Variants in EML1 observed in about 807,000 individuals in gnomAD.
EML1 encodes EMAP like 1.
In EML1, 27 loss-of-function variants were observed where a neutral mutation model predicts 110.4. That is an observed-to-expected ratio of 0.24 (90% CI 0.18 to 0.34). The LOEUF (loss-of-function observed/expected upper bound fraction) is 0.34, where lower values mean the gene tolerates loss of function less well. Ranked by LOEUF, EML1 falls within the 10% of genes least tolerant of loss-of-function variation. The pLI, the probability that EML1 is intolerant of heterozygous loss-of-function variation, is 1.00. For synonymous variants in EML1, 344 were observed against 385.8 expected (o/e 0.89, Z 1.27); for missense variants, 741 against 1,030.9 (o/e 0.72, Z 3.85).
In EML1 at chr14:99,936,094, G is replaced by A; in HGVS notation, c.1975G>A (p.Gly659Arg). ...CTATATATATGGCGTTAGTGACAACGGGAGGAAGTACACGCGAGTGGGCAA... is the reference window on the plus strand; with the variant it reads ...CTATATATATGGCGTTAGTGACAACAGGAGGAAGTACACGCGAGTGGGCAA... ...CIYIYGVSDNGRKYTRVGKCS... is the reference protein window; with the variant it reads ...CIYIYGVSDNRRKYTRVGKCS... The change falls in exon 18 of 22, where the codon GGG (glycine) becomes AGG (arginine). Residue 659 changes from glycine (G) to arginine (R), a missense_variant. Coordinates refer to ENST00000262233, the MANE Select transcript of EML1 (RefSeq NM_004434.3). This position sits in a 1 kb window ranked among gnomAD's most constrained non-coding sequence, Gnocchi z 5.5. 1.2e-6 allele frequency: 2 copies of A among 1,614,116 alleles called. No individual in the cohort carries two copies. Among genetic ancestry groups the A allele is most frequent in the Non-Finnish European group, 1.7e-6 (2 of 1,180,034 alleles).
At position 99,940,024 on chromosome 14, in the gene EML1, T is replaced by G; in HGVS notation, c.2360T>G (p.Val787Gly). 1 of 1,598,652 alleles carries G rather than the reference T, an allele frequency of 6.3e-7. No homozygotes were observed. Among genetic ancestry groups the G allele is most frequent in the Non-Finnish European group, 8.5e-7 (1 of 1,172,618 alleles). Reference protein sequence around the residue: ...SHIYGGHSSHVTNVDFLCEDS... With the variant: ...SHIYGGHSSHGTNVDFLCEDS... Reference sequence around the variant, plus strand: ...ATCTACGGCGGGCACAGCAGCCATGTCACCAATGTCGATTTCCTCTGTGAA... The same window carrying G: ...ATCTACGGCGGGCACAGCAGCCATGGCACCAATGTCGATTTCCTCTGTGAA... Residue 787 changes from valine to glycine, a missense_variant, in exon 22 of 22, where the codon GTC becomes GGC. Val to Gly is a moderately radical substitution (Grantham distance 109). Coordinates refer to ENST00000262233, the MANE Select transcript of EML1 (RefSeq NM_004434.3).
chr14:99,752,292 G>A (rs1274627257), intron 1 of EML1, among the ~76,000 whole-genome samples: 1 of 151,982 alleles, frequency 6.6e-6, no homozygotes, highest in South Asian at 2.1e-4. Context: ...GGCAAGGTCT[G>A]GAAATGATGA....
intron 1 of EML1, among the ~76,000 whole-genome samples, chr14:99,847,476 A>G (rs893744315): frequency 1.3e-5 from 2 of 152,168 alleles, no homozygotes; most frequent in African/African-American, 2.4e-5. Flanking sequence ...AAGCCTCCCA[A>G]GTAGCTAGGA....
chr14:99,837,746 G>T lies in EML1; in HGVS notation c.68-13107G>T, dbSNP rs370718843. On this transcript the variant is annotated intron_variant, in intron 1 of 21. Transcript: ENST00000262233. ...TTTTTTCTTGGAAAACTAGGTTTCTGGCTTTGGCCCCATTGGTGATTTTAA... is the reference window on the plus strand; with the variant it reads ...TTTTTTCTTGGAAAACTAGGTTTCTTGCTTTGGCCCCATTGGTGATTTTAA... Among the ~76,000 whole-genome samples, 399 of 152,222 alleles carry T rather than the reference G, an allele frequency of 2.6e-3. 1 individual carries two copies. The highest frequency in any genetic ancestry group is 4.1e-3 in the Non-Finnish European group (277 of 68,022).
intron 1 of EML1, among the ~76,000 whole-genome samples, chr14:99,830,551 TG>T (rs2058432463): frequency 6.6e-6 from 1 of 152,026 alleles, no homozygotes; most frequent in African/African-American, 2.4e-5. Flanking sequence ...TTTGCCTTTT[TG>T]TTTTTTTTGT....
intron 2 of EML1, among the ~76,000 whole-genome samples, chr14:99,859,721 A>G (rs1358407927): frequency 6.6e-6 from 1 of 152,152 alleles, no homozygotes; most frequent in African/African-American, 2.4e-5. Context: ...GAATGTGCCT[A>G]GGGTTCTACT....
chr14:99,793,308 T>G (rs1330472731), upstream of EML1: 7 of 976,420 alleles, frequency 7.2e-6, no homozygotes, highest in Non-Finnish European at 1.2e-6. Context: ...CTCGCGCGGC[T>G]GCGGCGGCGG....
chr14:99,868,645 A>G (rs2059143166), intron 3 of EML1, among the ~76,000 whole-genome samples: 1 of 151,708 alleles, frequency 6.6e-6, no homozygotes, highest in African/African-American at 2.4e-5. Flanking sequence ...TTTTTGTTAT[A>G]TCCGTTGTAA....
rs981870959 is a variant in EML1, at chr14:99,880,201, C to T, written c.518+1582C>T. Among the ~76,000 whole-genome samples, 4 of 152,168 alleles carry T rather than the reference C, an allele frequency of 2.6e-5. No individual in the cohort carries two copies. In the East Asian group the frequency reaches 5.8e-4, roughly 22 times the overall value. ...CCAGGCGTGGTTGAGGCGAGCATAG[C>T]ACAGAGCTGGCTGAGTTTCATGCAT... On this transcript the variant is annotated intron_variant, in intron 4 of 21. Coordinates refer to ENST00000262233, the MANE Select transcript of EML1 (RefSeq NM_004434.3).
intron 7 of EML1, 52 bp downstream of exon 7, chr14:99,897,346 A>C: frequency 3.9e-6 from 6 of 1,531,688 alleles, no homozygotes; most frequent in Non-Finnish European, 5.3e-6. Flanking sequence ...AGGTAGGAGG[A>C]TCGCTTGAGG....
At chr14:99,877,457 TCTC>T (rs1240419342) in intron 3 of EML1, among the ~76,000 whole-genome samples, 4 of 152,108 alleles carry the variant, frequency 2.6e-5, no homozygotes, top group African/African-American at 9.7e-5. Context: ...GGGGATCCCT[TCTC>T]CTAGAGCAGG....
chr14:99,748,800 C>T (rs1400413067), intron 1 of EML1, among the ~76,000 whole-genome samples: 1 of 152,194 alleles, frequency 6.6e-6, no homozygotes, highest in Non-Finnish European at 1.5e-5. Context: ...ATCCAATACC[C>T]ATTAGTAGCG....
At chr14:99,911,387 C>A (rs1282030537) in intron 12 of EML1, 35 bp from the exon 13 acceptor site, 26 of 1,547,834 alleles carry the variant, frequency 1.7e-5, no homozygotes, top group Non-Finnish European at 2.0e-5. Flanking sequence ...AACCTTTTGA[C>A]AATGTGCTAA....
At chr14:99,883,005 A>G (rs778056232) in intron 4 of EML1, among the ~76,000 whole-genome samples, 3 of 152,040 alleles carry the variant, frequency 2.0e-5, no homozygotes, top group Admixed American at 6.5e-5. Context: ...TTTGGTGACT[A>G]TTTCATCTCA....
chr14:99,821,060 C>T (rs2058253589), intron 1 of EML1, among the ~76,000 whole-genome samples: 1 of 142,278 alleles, frequency 7.0e-6, no homozygotes, highest in African/African-American at 2.6e-5. Flanking sequence ...GTGTCTTGCT[C>T]TGCCCAGGCT....
At chr14:99,816,564 A>T (rs1878248370) in intron 1 of EML1, among the ~76,000 whole-genome samples, 3 of 152,196 alleles carry the variant, frequency 2.0e-5, no homozygotes. Flanking sequence ...TGGATGCTTC[A>T]CTCAGCTCGC....
At chr14:99,909,324 G>A (rs757885912) in intron 10 of EML1, 21 bp from the exon 11 acceptor site, 4 of 1,614,070 alleles carry the variant, frequency 2.5e-6, no homozygotes, top group East Asian at 2.2e-5. Flanking sequence ...TGAGGCATCC[G>A]AGTCCCTGTT....
intron 1 of EML1, among the ~76,000 whole-genome samples, chr14:99,806,713 A>G (rs935981719): frequency 5.9e-5 from 9 of 152,180 alleles, no homozygotes; most frequent in African/African-American, 2.2e-4. Flanking sequence ...ATGAGGAGAC[A>G]GGGCATGGAT....
intron 1 of EML1, chr14:99,809,810 C>T: frequency 2.2e-6 from 1 of 448,144 alleles, no homozygotes. Context: ...GAAAGTTCTG[C>T]TTTTCTGTAG....
Sources: allele counts gnomAD v4.1 joint callset (sites outside exome capture counted in the v4.1 genomes callset), GRCh38; gene constraint gnomAD v4.1.1; non-coding constraint Gnocchi (gnomAD v3.1); transcripts MANE v1.5; gene names NCBI Gene and HGNC (gene_info 2026-07-23, HGNC 2026-07-21).